The following GREB1 variants were observed in gnomAD, a reference collection of about 807,000 sequenced individuals.
The protein encoded by GREB1 is growth regulating estrogen receptor binding 1.
GREB1 carries 106 observed loss-of-function variants against 200.7 expected under a neutral mutation model. The ratio of observed to expected loss-of-function variants is 0.53; its 90% confidence interval spans 0.45 to 0.62. The LOEUF is 0.62. Among genes scored for constraint, GREB1 ranks in the 20% least tolerant of loss-of-function variants. GREB1 has a pLI of 0.00. For synonymous variants in GREB1, 1,132 were observed against 1,092.4 expected, an observed-to-expected ratio of 1.04 and a Z score of -0.72; for missense variants, 2,243 against 2,556.8, an observed-to-expected ratio of 0.88 and a Z score of 2.65.
chr2:11,511,361 G>A (rs1190752692), intron 1 of GREB1, among the ~76,000 whole-genome samples: 2 of 152,100 alleles, frequency 1.3e-5, no homozygotes, highest in African/African-American at 4.8e-5. Flanking sequence ...GGCAGAACTA[G>A]GAAGACAATT....
chr2:11,599,614 G>A (rs1348204869), intron 15 of GREB1, among the ~76,000 whole-genome samples: 1 of 150,082 alleles, frequency 6.7e-6, no homozygotes, highest in African/African-American at 2.5e-5. Context: ...TCTGCCTCCC[G>A]GGTTCACACC....
intron 1 of GREB1, among the ~76,000 whole-genome samples, chr2:11,536,013 A>T (rs1238286396): frequency 2.0e-5 from 3 of 152,170 alleles, no homozygotes; most frequent in African/African-American, 7.2e-5. Context: ...AAGGGCGTAC[A>T]TCTGCATGTT....
rs566210819 is a variant in GREB1, at chr2:11,602,296, A to G, written c.2530-110A>G. ...CCATCCAAGCCACTGCACAGTGGGC[A>G]CGATTTGGATGAAGTTGCCAACCCA... On this transcript the variant is annotated intron_variant, in intron 16 of 32. Transcript: ENST00000381486. The G allele has an allele frequency of 5.1e-5, 45 of 885,886 alleles. No individual in the cohort carries two copies. The African/African-American group carries it at 6.7e-4, about 13-fold the overall frequency. 54.9% of individuals were successfully genotyped at this position (885,886 alleles called of 1,614,324 possible).
chr2:11,494,309 T>C (rs1004683576), intron 1 of GREB1, among the ~76,000 whole-genome samples: 1 of 152,232 alleles, frequency 6.6e-6, no homozygotes, highest in African/African-American at 2.4e-5. Context: ...AGACACCCTC[T>C]GGATCCTCTA....
intron 7 of GREB1, among the ~76,000 whole-genome samples, chr2:11,582,854 A>G (rs778793254): frequency 6.6e-6 from 1 of 152,196 alleles, no homozygotes; most frequent in Non-Finnish European, 1.5e-5. Context: ...TGAAGCCTAG[A>G]GTCCTGTCAC....
chr2:11,611,217 C>T (rs1406281223), intron 18 of GREB1, among the ~76,000 whole-genome samples, 190 bp downstream of exon 18: 1 of 152,182 alleles, frequency 6.6e-6, no homozygotes, highest in African/African-American at 2.4e-5. Flanking sequence ...CCCCCACACC[C>T]CTGCAGCATT....
intron 23 of GREB1, among the ~76,000 whole-genome samples, chr2:11,621,323 CT>C (rs1409793189): frequency 3.6e-4 from 55 of 152,300 alleles, no homozygotes; most frequent in African/African-American, 1.3e-3. Context: ...TTCCATTCTC[CT>C]GATAAATCAC....
chr2:11,634,001 G>C, intron 28 of GREB1, 130 bp from the exon 29 acceptor site: 1 of 822,390 alleles, frequency 1.2e-6, no homozygotes, highest in South Asian at 1.6e-5. Context: ...GCCCTGGGGG[G>C]ACTGTGCGGG....
At chr2:11,566,296 C>T (rs531798750) in intron 3 of GREB1, among the ~76,000 whole-genome samples, 184 bp from the exon 4 acceptor site, 3 of 152,286 alleles carry the variant, frequency 2.0e-5, no homozygotes, top group African/African-American at 4.8e-5. Flanking sequence ...GGATTACAGG[C>T]GTGAGCTACC....
At chr2:11,634,046 G>C in intron 28 of GREB1, 85 bp from the exon 29 acceptor site, 1 of 1,276,162 alleles carries the variant, frequency 7.8e-7, no homozygotes, top group South Asian at 1.2e-5. Context: ...GGCAGTCTGA[G>C]AGCCGGTGCC....
At position 11,596,218 on chromosome 2, in the gene GREB1, A is replaced by G. The variant is rs757176506; in HGVS notation, c.1933A>G (p.Ser645Gly). ...CACTAAAGCAGCATCCCTGGATGTC[A>G]GTGGGACACCGGTGTGCACAAGTGA... ...SVTKAASLDVSGTPVCTSYNL... is the reference protein window; with the variant it reads ...SVTKAASLDVGGTPVCTSYNL... The change falls in exon 13 of 33, where the codon AGT (serine) becomes GGT (glycine). Residue 645 changes from serine (S) to glycine (G), a missense_variant. Physicochemically the swap from Ser to Gly is moderately conservative, Grantham distance 56. Transcript: ENST00000381486. 4.3e-6 allele frequency: 7 copies of G among 1,613,814 alleles called. No homozygotes were observed. The African/African-American group carries it at 6.7e-5, about 15-fold the overall frequency.
intron 13 of GREB1, 26 bp downstream of exon 13, chr2:11,596,265 G>C (rs1235711232): frequency 6.2e-7 from 1 of 1,605,134 alleles, no homozygotes; most frequent in African/African-American, 1.3e-5. Flanking sequence ...GAATCTCCCA[G>C]GGTGGAGAGG....
intron 1 of GREB1, among the ~76,000 whole-genome samples, chr2:11,489,452 C>T (rs1299210032): frequency 1.3e-5 from 2 of 151,188 alleles, no homozygotes; most frequent in Non-Finnish European, 3.0e-5. Flanking sequence ...GAGCCAGACT[C>T]CGTCTTGGGG....
intron 1 of GREB1, among the ~76,000 whole-genome samples, chr2:11,554,753 G>A (rs1676268747): frequency 6.6e-6 from 1 of 152,192 alleles, no homozygotes; most frequent in African/African-American, 2.4e-5. Flanking sequence ...TTCATCCCTT[G>A]TAGAGTTTAC....
intron 20 of GREB1, among the ~76,000 whole-genome samples, 179 bp from the exon 21 acceptor site, chr2:11,616,452 C>G (rs567738466): frequency 6.6e-6 from 1 of 152,360 alleles, no homozygotes; most frequent in African/African-American, 2.4e-5. Context: ...GCACTGCAGC[C>G]CACTCCCTCC....
chr2:11,485,796 G>T (rs1489254756), intron 1 of GREB1, among the ~76,000 whole-genome samples: 1 of 152,192 alleles, frequency 6.6e-6, no homozygotes, highest in Non-Finnish European at 1.5e-5. Flanking sequence ...AGAAAACTGT[G>T]TTCACTTTGG....
chr2:11,568,917 G>A (rs2147977919), intron 4 of GREB1, among the ~76,000 whole-genome samples: 1 of 152,314 alleles, frequency 6.6e-6, no homozygotes, highest in African/African-American at 2.4e-5. Flanking sequence ...ACACTGTTTA[G>A]GTTTCCTGCA....
intron 17 of GREB1, among the ~76,000 whole-genome samples, chr2:11,609,320 A>G (rs183087054): frequency 4.0e-5 from 6 of 151,130 alleles, no homozygotes; most frequent in South Asian, 2.1e-4. Context: ...GCTGGAGTGC[A>G]GTGGTGATCA....
chr2:11,556,689 C>T lies in GREB1; in HGVS notation c.75C>T (p.Ser25=), dbSNP rs752786016. ...EEVLHNSIEA[S]LRSNNLVPRP... Reference sequence around the variant, plus strand: ...TCTTGCACAATTCCATCGAGGCATCCCTGCGGTCCAACAACCTGGTGCCCA... The same window carrying T: ...TCTTGCACAATTCCATCGAGGCATCTCTGCGGTCCAACAACCTGGTGCCCA... The change falls in exon 2 of 33, where the codon TCC becomes TCT. Residue 25 remains serine, a synonymous_variant. Transcript: ENST00000381486. The T allele has an allele frequency of 6.2e-7, 1 of 1,613,814 alleles. No homozygotes were observed. The highest frequency in any genetic ancestry group is 1.1e-5 in the South Asian group (1 of 91,068).
Sources: allele counts gnomAD v4.1 joint callset (sites outside exome capture counted in the v4.1 genomes callset), GRCh38; gene constraint gnomAD v4.1.1; transcripts MANE v1.5; gene names NCBI Gene and HGNC (gene_info 2026-07-23, HGNC 2026-07-21).